Variants in SGCD observed in about 807,000 individuals in gnomAD.
SGCD encodes sarcoglycan delta.
Under a neutral mutation model 36.6 loss-of-function variants are expected in SGCD, and 18 were observed. The observed-to-expected ratio is 0.49, with a 90% CI of 0.34 to 0.73. SGCD has a LOEUF of 0.73. SGCD is among the 30% of genes least tolerant of loss of function. The pLI is 0.01. For synonymous variants in SGCD, 133 were observed against 130.6 expected (o/e 1.02, Z -0.12); for missense variants, 387 against 346.7 (o/e 1.12, Z -0.92).
chr5:155,937,333 A>G (rs953191396), intron 1 of SGCD, among the ~76,000 whole-genome samples: 4 of 152,194 alleles, frequency 2.6e-5, no homozygotes, highest in African/African-American at 9.6e-5. Flanking sequence ...TCAAGGTCAC[A>G]TATTGAAGCG....
intron 1 of SGCD, among the ~76,000 whole-genome samples, chr5:156,030,626 G>A (rs1759325843): frequency 6.6e-6 from 1 of 152,156 alleles, no homozygotes; most frequent in African/African-American, 2.4e-5. Context: ...ACATTGTGGT[G>A]ATACCAAGGA....
chr5:156,420,436 G>A (rs1469397647), intron 3 of SGCD, among the ~76,000 whole-genome samples: 1 of 152,088 alleles, frequency 6.6e-6, no homozygotes, highest in Non-Finnish European at 1.5e-5. Context: ...GCCATTAGGA[G>A]CTTCGGGAAT....
intron 3 of SGCD, among the ~76,000 whole-genome samples, chr5:156,456,839 T>G (rs186233082): frequency 6.6e-6 from 1 of 152,338 alleles, no homozygotes; most frequent in African/African-American, 2.4e-5. Context: ...CTTGGCAGGT[T>G]TCATTCATTC....
At chr5:156,531,814 A>T (rs780413344) in intron 4 of SGCD, among the ~76,000 whole-genome samples, 53 of 152,240 alleles carry the variant, frequency 3.5e-4, no homozygotes, top group South Asian at 1.5e-3. Context: ...CTCTACGTAA[A>T]TGTATGGACA....
chr5:156,168,121 A>G lies in SGCD; in HGVS notation c.-44+44102A>G, dbSNP rs138703451. On this transcript the variant is annotated intron_variant, in intron 3 of 9. Transcript: ENST00000517913. Reference sequence around the variant, plus strand: ...AACCATTTAACAGAGTGCCTAGCACATAGTAAAATATCAAATGATCACTTA... The same window carrying G: ...AACCATTTAACAGAGTGCCTAGCACGTAGTAAAATATCAAATGATCACTTA... Among the ~76,000 whole-genome samples the G allele has an allele frequency of 2.2e-3, 332 of 152,376 alleles. 3 individuals are homozygous for G. The highest frequency in any genetic ancestry group is 0.017 in the Middle Eastern group (5 of 294).
chr5:156,270,380 A>T (rs963273054), intron 3 of SGCD, among the ~76,000 whole-genome samples: 1 of 152,158 alleles, frequency 6.6e-6, no homozygotes, highest in Non-Finnish European at 1.5e-5. Context: ...GAATTTTAAG[A>T]TAGGCTTTTG....
chr5:155,854,087 A>G, the SGCD span, among the ~76,000 whole-genome samples: 3 of 152,176 alleles, frequency 2.0e-5, no homozygotes, highest in African/African-American at 4.8e-5. Context: ...CACAACAGAA[A>G]CATTATTGTT....
At chr5:156,253,050 T>C (rs1053183887) in intron 3 of SGCD, among the ~76,000 whole-genome samples, 20 of 152,198 alleles carry the variant, frequency 1.3e-4, no homozygotes, top group African/African-American at 4.3e-4. Flanking sequence ...TAAAAACCCA[T>C]ACAACTACTT....
chr5:156,746,617 G>C, intron 7 of SGCD, among the ~76,000 whole-genome samples: 1 of 152,180 alleles, frequency 6.6e-6, no homozygotes, highest in East Asian at 1.9e-4. Context: ...CATCAGTGCT[G>C]TTCAATGGGG....
At chr5:155,836,527 G>C in the SGCD span, among the ~76,000 whole-genome samples, 1 of 128,002 alleles carries the variant, frequency 7.8e-6, no homozygotes, top group Non-Finnish European at 1.6e-5. Context: ...TACCTTGATA[G>C]AGTGAAAAGC....
chr5:155,828,163 T>C, the SGCD span, among the ~76,000 whole-genome samples: 1 of 152,190 alleles, frequency 6.6e-6, no homozygotes, highest in East Asian at 1.9e-4. Context: ...ATTATGGTGA[T>C]GCAAACAACC....
chr5:156,612,793 G>A (rs1179238542), intron 6 of SGCD, among the ~76,000 whole-genome samples: 1 of 152,202 alleles, frequency 6.6e-6, no homozygotes, highest in Non-Finnish European at 1.5e-5. Context: ...CCATTGTTAA[G>A]ATGCTGTGGT....
At chr5:155,819,580 C>A in the SGCD span, among the ~76,000 whole-genome samples, 4 of 152,182 alleles carry the variant, frequency 2.6e-5, no homozygotes, top group Non-Finnish European at 5.9e-5. Flanking sequence ...GTATTATAAT[C>A]ACTTCACAGA....
chr5:156,371,248 T>C (rs373530707), intron 3 of SGCD, among the ~76,000 whole-genome samples: 86 of 152,358 alleles, frequency 5.6e-4, no homozygotes, highest in African/African-American at 1.9e-3. Context: ...TTTTGGTTTT[T>C]GAGTTTTTTA....
At chr5:156,269,518 A>T (rs1766112458) in intron 3 of SGCD, among the ~76,000 whole-genome samples, 1 of 141,542 alleles carries the variant, frequency 7.1e-6, no homozygotes. Context: ...AAACCATCAG[A>T]TCTCATGAAA....
At chr5:156,614,036 T>C (rs374037343) in intron 6 of SGCD, among the ~76,000 whole-genome samples, 253 of 152,226 alleles carry the variant, frequency 1.7e-3, no homozygotes, top group African/African-American at 5.5e-3. Context: ...AACCTTTGCC[T>C]CCCAGATTCA....
intron 1 of SGCD, among the ~76,000 whole-genome samples, chr5:156,081,858 A>T (rs1760961509): frequency 6.6e-6 from 1 of 152,238 alleles, no homozygotes; most frequent in Admixed American, 6.5e-5. Context: ...TACAAAAATC[A>T]CAGAGTGATT....
At chr5:156,036,265 G>A (rs1377352873) in intron 1 of SGCD, among the ~76,000 whole-genome samples, 2 of 152,174 alleles carry the variant, frequency 1.3e-5, no homozygotes, top group African/African-American at 4.8e-5. Flanking sequence ...GGAGAATCAG[G>A]TGGCTAACAC....
At chr5:156,334,887 C>T (rs34848158) in intron 2 of SGCD, among the ~76,000 whole-genome samples, 1,566 of 152,144 alleles carry the variant, frequency 0.01, 15 homozygotes, top group Non-Finnish European at 0.014. Flanking sequence ...GAATATACGT[C>T]TATGATAATT....
Sources: gnomAD v4.1 joint callset for allele counts (sites outside exome capture counted in the v4.1 genomes callset) on GRCh38, gnomAD v4.1.1 for gene constraint, MANE v1.5 for transcripts, NCBI Gene and HGNC (gene_info 2026-07-23, HGNC 2026-07-21) for gene names.